Variants in HS2ST1 observed in about 807,000 individuals in gnomAD.
The protein encoded by HS2ST1 is heparan sulfate 2-O-sulfotransferase 1.
In HS2ST1, 18 loss-of-function variants were observed where a neutral mutation model predicts 42.9. The ratio of observed to expected loss-of-function variants is 0.42; its 90% CI spans 0.29 to 0.62. The LOEUF is 0.62. Ranked by LOEUF, HS2ST1 falls within the 20% of genes least tolerant of loss-of-function variation. HS2ST1 has a pLI of 0.21. For missense variants in HS2ST1, 334 were observed against 433.8 expected (o/e 0.77, Z 2.04); for synonymous variants, 146 against 152.9 (o/e 0.95, Z 0.33).
chr1:86,989,899 C>T (rs1004698487), intron 1 of HS2ST1, among the ~76,000 whole-genome samples: 1 of 151,984 alleles, frequency 6.6e-6, no homozygotes, highest in Non-Finnish European at 1.5e-5. Context: ...AGGACGTGAA[C>T]TCATCCTTTT....
chr1:87,038,155 G>A (rs1650429596), intron 1 of HS2ST1, among the ~76,000 whole-genome samples: 1 of 152,088 alleles, frequency 6.6e-6, no homozygotes, highest in African/African-American at 2.4e-5. Context: ...GTTTTATCAA[G>A]GTGGATTTGG....
chr1:87,035,364 A>G (rs541659902), intron 1 of HS2ST1, among the ~76,000 whole-genome samples: 1 of 152,258 alleles, frequency 6.6e-6, no homozygotes, highest in East Asian at 1.9e-4. Context: ...TCTTTGAAAA[A>G]CTTATTCTTC....
chr1:86,968,783 T>TA (rs1181673835), intron 1 of HS2ST1, among the ~76,000 whole-genome samples: 192 of 148,154 alleles, frequency 1.3e-3, no homozygotes, highest in Middle Eastern at 6.9e-3. Flanking sequence ...ATCATTTGTT[T>TA]AAAAAAAAAA....
At chr1:86,987,618 G>C (rs1361172594) in intron 1 of HS2ST1, among the ~76,000 whole-genome samples, 1 of 152,140 alleles carries the variant, frequency 6.6e-6, no homozygotes, top group African/African-American at 2.4e-5. Context: ...AGATTATCTT[G>C]CCTCTTCCTT....
intron 1 of HS2ST1, among the ~76,000 whole-genome samples, chr1:87,049,028 C>G (rs980039065): frequency 6.6e-6 from 1 of 151,820 alleles, no homozygotes; most frequent in African/African-American, 2.4e-5. Context: ...TTTTCTAAAG[C>G]CATTTGGGCC....
At chr1:87,052,497 AAT>A (rs1395705248) in intron 1 of HS2ST1, among the ~76,000 whole-genome samples, 9 of 152,218 alleles carry the variant, frequency 5.9e-5, no homozygotes, top group Non-Finnish European at 8.8e-5. Flanking sequence ...AGAATTAATT[AAT>A]GTTGCATTTT....
chr1:87,086,390 C>T (rs72955585), intron 3 of HS2ST1, among the ~76,000 whole-genome samples: 1,950 of 152,212 alleles, frequency 0.013, 52 homozygotes, highest in African/African-American at 0.044. Flanking sequence ...AGTTCAGACT[C>T]GTGTTGTTCA....
chr1:87,029,225 C>T (rs983242233), intron 1 of HS2ST1, among the ~76,000 whole-genome samples: 2 of 152,134 alleles, frequency 1.3e-5, no homozygotes, highest in Non-Finnish European at 2.9e-5. Flanking sequence ...CATGTATGGG[C>T]ACTTTTGCCA....
chr1:87,073,177 T>C lies in HS2ST1; in HGVS notation c.363+5T>C. ...GTGATGTCATTGCAAGATCAGGTAA[T>C]TACCACTTAAGGAATGCCCAAATAT... is the stretch of plus-strand genomic sequence containing the variant. On this transcript the variant is annotated splice_donor_5th_base_variant and intron_variant, in intron 2 of 6. Coordinates refer to ENST00000370550, the MANE Select transcript of HS2ST1 (RefSeq NM_012262.4). The C allele has an allele frequency of 1.3e-6, 2 of 1,573,988 alleles. No homozygotes were observed. The highest frequency in any genetic ancestry group is 1.7e-4 in the Middle Eastern group (1 of 5,982).
intron 1 of HS2ST1, among the ~76,000 whole-genome samples, chr1:86,925,606 A>C (rs554394564): frequency 6.6e-6 from 1 of 152,318 alleles, no homozygotes; most frequent in Non-Finnish European, 1.5e-5. Flanking sequence ...CCTCTTTTTA[A>C]AACCATCAGA....
intron 1 of HS2ST1, among the ~76,000 whole-genome samples, chr1:86,968,467 G>A (rs1648127559): frequency 6.6e-6 from 1 of 151,784 alleles, no homozygotes; most frequent in Admixed American, 6.6e-5. Flanking sequence ...TGTTACCCAG[G>A]CTAGAGTGCA....
intron 1 of HS2ST1, among the ~76,000 whole-genome samples, chr1:87,049,400 T>C (rs995297288): frequency 2.6e-5 from 4 of 152,064 alleles, no homozygotes; most frequent in African/African-American, 9.6e-5. Context: ...TCTTTTCTAA[T>C]ATGATCGTGT....
chr1:87,061,639 C>G (rs1310443929), intron 1 of HS2ST1, among the ~76,000 whole-genome samples: 1 of 152,036 alleles, frequency 6.6e-6, no homozygotes, highest in African/African-American at 2.4e-5. Context: ...TTTGTTCATT[C>G]ATCTGTTGAT....
At chr1:86,938,887 G>T (rs1483591074) in intron 1 of HS2ST1, among the ~76,000 whole-genome samples, 1 of 152,144 alleles carries the variant, frequency 6.6e-6, no homozygotes, top group Non-Finnish European at 1.5e-5. Flanking sequence ...CAAAGTAAAA[G>T]TTACCTTGAA....
chr1:87,059,932 A>C (rs1651076019), intron 1 of HS2ST1, among the ~76,000 whole-genome samples: 1 of 152,118 alleles, frequency 6.6e-6, no homozygotes, highest in African/African-American at 2.4e-5. Flanking sequence ...TTAAAGAAAA[A>C]CTTAGGCCCT....
intron 1 of HS2ST1, among the ~76,000 whole-genome samples, chr1:86,917,293 C>A (rs997415141): frequency 6.6e-6 from 1 of 152,072 alleles, no homozygotes; most frequent in African/African-American, 2.4e-5. Context: ...CCGAGGCCGG[C>A]GGATCATTTG....
intron 1 of HS2ST1, among the ~76,000 whole-genome samples, chr1:86,972,342 A>G (rs1428931408): frequency 6.6e-6 from 1 of 152,020 alleles, no homozygotes; most frequent in East Asian, 1.9e-4. Context: ...TGTTATTATA[A>G]TCTATTTAAT....
chr1:87,031,017 G>A (rs940396304), intron 1 of HS2ST1, among the ~76,000 whole-genome samples: 1 of 152,118 alleles, frequency 6.6e-6, no homozygotes, highest in African/African-American at 2.4e-5. Flanking sequence ...TCAGCTCACT[G>A]AAGCCTTGAT....
chr1:87,013,927 C>T (rs1384637277), intron 1 of HS2ST1, among the ~76,000 whole-genome samples: 1 of 152,140 alleles, frequency 6.6e-6, no homozygotes, highest in African/African-American at 2.4e-5. Context: ...TAGTAAGAGT[C>T]ACCTTTATTT....
Sources: gnomAD v4.1 joint callset for allele counts (sites outside exome capture counted in the v4.1 genomes callset) on GRCh38, gnomAD v4.1.1 for gene constraint, MANE v1.5 for transcripts, NCBI Gene and HGNC (gene_info 2026-07-23, HGNC 2026-07-21) for gene names.